Variants in ELF2 observed in about 807,000 individuals in gnomAD.
ELF2 encodes ETS-related transcription factor Elf-2.
ELF2 carries 11 observed loss-of-function variants against 54.8 expected under a neutral mutation model. That is an observed-to-expected ratio of 0.20 (90% CI 0.13 to 0.33). The LOEUF is 0.33. ELF2 is among the 10% of genes least tolerant of loss of function. The pLI, the probability that ELF2 is intolerant of heterozygous loss-of-function variation, is 1.00. For synonymous variants in ELF2, 203 were observed against 245.1 expected (o/e 0.83, Z 1.61); for missense variants, 513 against 703.0 (o/e 0.73, Z 3.06).
chr4:139,098,904 C>A (rs7685307), intron 4 of ELF2, among the ~76,000 whole-genome samples: 26,359 of 152,216 alleles, frequency 0.17, 2,825 homozygotes, highest in South Asian at 0.33. Flanking sequence ...AATATAATTT[C>A]TGATATATTT....
intron 4 of ELF2, among the ~76,000 whole-genome samples, chr4:139,083,136 G>A (rs1731380302): frequency 6.6e-6 from 1 of 151,714 alleles, no homozygotes; most frequent in African/African-American, 2.4e-5. Context: ...TGTCAATCCC[G>A]TCCGTTCTGT....
chr4:139,090,893 G>A (rs1732495828), intron 4 of ELF2, among the ~76,000 whole-genome samples: 2 of 149,090 alleles, frequency 1.3e-5, no homozygotes, highest in Non-Finnish European at 3.0e-5. Context: ...TCAAATTAAT[G>A]TTTTCCCTTA....
intron 1 of ELF2, among the ~76,000 whole-genome samples, chr4:139,151,081 A>AAAGAAAAAAAGAAGAAAGAAAG (rs1739929206): frequency 6.8e-6 from 1 of 146,988 alleles, no homozygotes; most frequent in African/African-American, 2.7e-5. Flanking sequence ...AGAAAGAAAG[A>AAAGAAAAAAAGAAGAAAGAAAG]AAGAAAGAAA....
intron 1 of ELF2, among the ~76,000 whole-genome samples, chr4:139,146,410 T>C (rs1468951536): frequency 6.6e-6 from 1 of 152,210 alleles, no homozygotes; most frequent in Non-Finnish European, 1.5e-5. Flanking sequence ...CCCATGCTCA[T>C]GGATTGGAAG....
chr4:139,132,683 T>TA (rs1473620468), intron 3 of ELF2, among the ~76,000 whole-genome samples: 9 of 151,974 alleles, frequency 5.9e-5, no homozygotes, highest in Non-Finnish European at 1.0e-4. Flanking sequence ...TTGCCTGTCT[T>TA]CATATGGCGG....
chr4:139,085,059 G>T (rs1023107718), intron 4 of ELF2, among the ~76,000 whole-genome samples: 24 of 152,030 alleles, frequency 1.6e-4, no homozygotes, highest in African/African-American at 5.1e-4. Flanking sequence ...TTTCTGTTTG[G>T]CTCACTTGGA....
intron 3 of ELF2, among the ~76,000 whole-genome samples, chr4:139,133,710 C>A (rs1008693145): frequency 6.6e-6 from 1 of 151,880 alleles, no homozygotes; most frequent in African/African-American, 2.4e-5. Context: ...CTCAAGTAAG[C>A]CCCTCACCTC....
At chr4:139,081,464 G>C (rs1178245134) in intron 4 of ELF2, among the ~76,000 whole-genome samples, 1 of 152,070 alleles carries the variant, frequency 6.6e-6, no homozygotes, top group South Asian at 2.1e-4. Context: ...ATCTCCTCTA[G>C]AAGTTGTATA....
chr4:139,137,551 G>T, intron 3 of ELF2, 79 bp downstream of exon 3: 1 of 1,349,502 alleles, frequency 7.4e-7, no homozygotes, highest in Non-Finnish European at 1.1e-6. Context: ...TCTCAAATAT[G>T]TTTCCTATTA....
intron 1 of ELF2, among the ~76,000 whole-genome samples, chr4:139,168,041 C>T (rs1260446594): frequency 6.6e-6 from 1 of 152,180 alleles, no homozygotes; most frequent in Non-Finnish European, 1.5e-5. Context: ...CTGGCAACAT[C>T]CCTAAAAAAA....
intron 4 of ELF2, among the ~76,000 whole-genome samples, chr4:139,096,003 C>T (rs774162584): frequency 3.9e-5 from 6 of 152,056 alleles, no homozygotes; most frequent in African/African-American, 9.7e-5. Flanking sequence ...CCCAGCTACT[C>T]GGGAGGCTGA....
intron 4 of ELF2, among the ~76,000 whole-genome samples, chr4:139,083,324 C>T (rs974489174): frequency 2.6e-5 from 4 of 152,170 alleles, no homozygotes; most frequent in African/African-American, 9.7e-5. Flanking sequence ...CCCTCCAGGT[C>T]AGGGGTACAA....
chr4:139,115,059 A>C, intron 4 of ELF2: 2 of 1,613,080 alleles, frequency 1.2e-6, no homozygotes, highest in Non-Finnish European at 1.7e-6. Flanking sequence ...GGGCATCGTC[A>C]CTCTCCATGT....
chr4:139,114,459 C>T (rs1489933527), intron 4 of ELF2, among the ~76,000 whole-genome samples: 1 of 151,738 alleles, frequency 6.6e-6, no homozygotes, highest in Non-Finnish European at 1.5e-5. Context: ...ATCTCAGTTA[C>T]TCAGGAGGCT....
chr4:139,063,610 A>G (rs12503968), intron 7 of ELF2, among the ~76,000 whole-genome samples: 25,876 of 152,230 alleles, frequency 0.17, 2,807 homozygotes, highest in South Asian at 0.33. Context: ...CAAGGAATTT[A>G]TAATTTAGTT....
At chr4:139,123,583 G>A (rs1176875210) in intron 4 of ELF2, among the ~76,000 whole-genome samples, 1 of 152,136 alleles carries the variant, frequency 6.6e-6, no homozygotes, top group Non-Finnish European at 1.5e-5. Flanking sequence ...CAACCAATCT[G>A]CTCTGGTATT....
At chr4:139,087,122 G>GT (rs1048321008) in intron 4 of ELF2, among the ~76,000 whole-genome samples, 1 of 152,160 alleles carries the variant, frequency 6.6e-6, no homozygotes, top group African/African-American at 2.4e-5. Context: ...TTAGGTTCAT[G>GT]TTTTTTGCAT....
chr4:139,148,929 A>G (rs1442949299), intron 1 of ELF2, among the ~76,000 whole-genome samples: 1 of 152,252 alleles, frequency 6.6e-6, no homozygotes, highest in African/African-American at 2.4e-5. Context: ...TAGGTAACTA[A>G]TACATCATTT....
At chr4:139,153,396 C>T (rs980209925) in intron 1 of ELF2, among the ~76,000 whole-genome samples, 1 of 151,860 alleles carries the variant, frequency 6.6e-6, no homozygotes, top group Non-Finnish European at 1.5e-5. Context: ...GATTGTGCCA[C>T]TGCACTCCAG....
Sources: gnomAD v4.1 joint callset for allele counts (sites outside exome capture counted in the v4.1 genomes callset) on GRCh38, gnomAD v4.1.1 for gene constraint, MANE v1.5 for transcripts, NCBI Gene and HGNC (gene_info 2026-07-23, HGNC 2026-07-21) for gene names.